KAZN: variants seen among roughly 807,000 people sequenced by gnomAD.
The protein encoded by KAZN is kazrin.
In KAZN, 40 loss-of-function variants were observed where a neutral mutation model predicts 87.4. The ratio of observed to expected loss-of-function variants is 0.46; its 90% confidence interval spans 0.36 to 0.60. The LOEUF is 0.60. Among genes scored for constraint, KAZN ranks in the 20% least tolerant of loss-of-function variants. The probability of loss-of-function intolerance (pLI) is 0.00; values close to 1 mark genes in which losing one functional copy is unlikely to be tolerated. For synonymous variants in KAZN, 466 were observed against 458.3 expected (o/e 1.02, Z -0.22); for missense variants, 898 against 1,073.9 (o/e 0.84, Z 2.29).
chr1:14,684,736 G>A (rs1263646164), intron 1 of KAZN, among the ~76,000 whole-genome samples: 1 of 152,044 alleles, frequency 6.6e-6, no homozygotes, highest in Non-Finnish European at 1.5e-5. Flanking sequence ...TGTTTCTGTT[G>A]TCACATGGCC....
intron 2 of KAZN, among the ~76,000 whole-genome samples, chr1:14,405,262 G>T (rs1034715024): frequency 2.0e-5 from 3 of 152,158 alleles, no homozygotes; most frequent in Non-Finnish European, 2.9e-5. Flanking sequence ...TTTGTATTGG[G>T]TATGAGCCTG....
intron 2 of KAZN, among the ~76,000 whole-genome samples, chr1:14,574,529 C>T (rs1675062182): frequency 6.6e-6 from 1 of 152,194 alleles, no homozygotes; most frequent in Non-Finnish European, 1.5e-5. Context: ...CTTATTCTCT[C>T]TTGTCTGCCG....
intron 1 of KAZN, among the ~76,000 whole-genome samples, chr1:14,674,366 A>G (rs1358866690): frequency 6.6e-6 from 1 of 152,200 alleles, no homozygotes; most frequent in Non-Finnish European, 1.5e-5. Context: ...AGCTCTGTTG[A>G]GGATTTGATC....
At chr1:14,210,310 T>A (rs536070115) in intron 2 of KAZN, among the ~76,000 whole-genome samples, 8 of 152,320 alleles carry the variant, frequency 5.3e-5, no homozygotes, top group African/African-American at 1.7e-4. Flanking sequence ...TTGCTCCTCC[T>A]TCGCCTTCTG....
At chr1:14,995,473 A>G (rs1667768433) in intron 2 of KAZN, among the ~76,000 whole-genome samples, 1 of 152,148 alleles carries the variant, frequency 6.6e-6, no homozygotes, top group African/African-American at 2.4e-5. Context: ...AAATACAAAA[A>G]TTAGCCAGGC....
At chr1:14,815,713 C>T (rs555423447) in intron 1 of KAZN, among the ~76,000 whole-genome samples, 4 of 152,166 alleles carry the variant, frequency 2.6e-5, no homozygotes, top group Non-Finnish European at 4.4e-5. Flanking sequence ...TTACAGAGGG[C>T]TTCCAAGCAG....
Position 14,737,222 on chromosome 1 carries a change from G to A in KAZN, c.226+137999G>A, listed in dbSNP as rs1572359111. Among the ~76,000 whole-genome samples the A allele has an allele frequency of 3.9e-5, 6 of 152,248 alleles. No homozygotes were observed. In the South Asian group the frequency reaches 1.2e-3, roughly 32 times the overall value. ...CACGCACGGAGACCCTGAAGCCTCA[G>A]GGTGCTCCAACATGCAAGGAGGCGG... On this transcript the variant is annotated intron_variant, in intron 1 of 14. Coordinates refer to ENST00000376030, the MANE Select transcript of KAZN (RefSeq NM_201628.3).
chr1:13,955,813 T>A (rs1641522789), intron 1 of KAZN, among the ~76,000 whole-genome samples: 1 of 152,194 alleles, frequency 6.6e-6, no homozygotes, highest in South Asian at 2.1e-4. Flanking sequence ...CTCCAACCTT[T>A]AGGGATAAAT....
chr1:14,145,593 T>A (rs12726962), intron 1 of KAZN, among the ~76,000 whole-genome samples: 1 of 152,206 alleles, frequency 6.6e-6, no homozygotes, highest in Non-Finnish European at 1.5e-5. Context: ...TACCTTTTTT[T>A]TTTTTGAGAC....
At chr1:15,049,272 C>T (rs896762009) in intron 4 of KAZN, among the ~76,000 whole-genome samples, 1 of 152,232 alleles carries the variant, frequency 6.6e-6, no homozygotes, top group African/African-American at 2.4e-5. Context: ...GGTCCTGTCC[C>T]TGGGAGCCCG....
At chr1:15,112,772 A>C in intron 14 of KAZN, 1 of 465,586 alleles carries the variant, frequency 2.1e-6, no homozygotes. Context: ...CTGGATCTCA[A>C]AGTGCAGGTC....
chr1:14,732,876 G>T (rs1054655524), intron 1 of KAZN, among the ~76,000 whole-genome samples: 3 of 152,064 alleles, frequency 2.0e-5, no homozygotes, highest in East Asian at 3.9e-4. Context: ...CTGCCCTGTG[G>T]CACACTCAGT....
At chr1:15,017,641 T>G (rs1670256334) in intron 2 of KAZN, among the ~76,000 whole-genome samples, 1 of 152,080 alleles carries the variant, frequency 6.6e-6, no homozygotes, top group South Asian at 2.1e-4. Flanking sequence ...CCGTCTCTAC[T>G]AAAAATACAA....
chr1:14,800,163 A>T (rs78667387), intron 1 of KAZN, among the ~76,000 whole-genome samples: 7,105 of 152,260 alleles, frequency 0.047, 243 homozygotes, highest in South Asian at 0.077. Flanking sequence ...CTGACCCAGC[A>T]TGGCAGATCT....
intron 2 of KAZN, among the ~76,000 whole-genome samples, chr1:14,967,850 T>A (rs901452191): frequency 1.3e-5 from 2 of 152,194 alleles, no homozygotes; most frequent in African/African-American, 4.8e-5. Context: ...TAACACCCAT[T>A]TTAGACCTTT....
At chr1:14,223,271 T>G (rs1280951943) in intron 2 of KAZN, among the ~76,000 whole-genome samples, 1 of 152,220 alleles carries the variant, frequency 6.6e-6, no homozygotes, top group Non-Finnish European at 1.5e-5. Flanking sequence ...GAAATGGTTG[T>G]TAGCATCAAG....
chr1:13,952,379 A>G (rs1641384356), intron 1 of KAZN, among the ~76,000 whole-genome samples: 1 of 137,944 alleles, frequency 7.2e-6, no homozygotes, highest in Non-Finnish European at 1.6e-5. Flanking sequence ...TAATAATAAT[A>G]TCAATATCTG....
At chr1:14,352,488 ACCAAGGTAGT>A (rs1357105258) in intron 2 of KAZN, among the ~76,000 whole-genome samples, 1 of 152,324 alleles carries the variant, frequency 6.6e-6, no homozygotes, top group South Asian at 2.1e-4. Flanking sequence ...TATAAAAAGC[ACCAAGGTAGT>A]CTTAATTCTT....
chr1:14,633,864 C>T (rs184823699), intron 1 of KAZN, among the ~76,000 whole-genome samples: 5 of 150,278 alleles, frequency 3.3e-5, no homozygotes, highest in East Asian at 1.9e-4. Flanking sequence ...CATTTGCGCG[C>T]GCACTCTCTC....
Sources: gnomAD v4.1 joint callset for allele counts (sites outside exome capture counted in the v4.1 genomes callset) on GRCh38, gnomAD v4.1.1 for gene constraint, MANE v1.5 for transcripts, NCBI Gene and HGNC (gene_info 2026-07-23, HGNC 2026-07-21) for gene names.